MAP7: variants seen among roughly 807,000 people sequenced by gnomAD.
The protein encoded by MAP7 is ensconsin.
In MAP7, 52 loss-of-function variants were observed where a neutral mutation model predicts 94.8. The observed-to-expected ratio is 0.55, with a 90% CI of 0.44 to 0.69. The LOEUF (loss-of-function observed/expected upper bound fraction) is 0.69, where lower values mean the gene tolerates loss of function less well. MAP7 is among the 30% of genes least tolerant of loss of function. The pLI is 0.00. For missense variants in MAP7, 940 were observed against 964.6 expected, an observed-to-expected ratio of 0.97 and a Z score of 0.34; for synonymous variants, 350 against 357.0, an observed-to-expected ratio of 0.98 and a Z score of 0.22.
intron 2 of MAP7, among the ~76,000 whole-genome samples, chr6:136,416,532 G>A (rs1429056831): frequency 1.3e-5 from 2 of 152,096 alleles, no homozygotes; most frequent in East Asian, 1.9e-4. Context: ...TCAGCCAGGC[G>A]CGGTGACTCA....
At chr6:136,351,137 C>T (rs1218605520) in intron 16 of MAP7, among the ~76,000 whole-genome samples, 1 of 151,630 alleles carries the variant, frequency 6.6e-6, no homozygotes, top group Non-Finnish European at 1.5e-5. Context: ...CTGAGCTATC[C>T]TTAAAAGACA....
intron 1 of MAP7, among the ~76,000 whole-genome samples, chr6:136,463,956 TA>T (rs1302540918): frequency 6.6e-6 from 1 of 152,104 alleles, no homozygotes; most frequent in African/African-American, 2.4e-5. Context: ...AAACGCCTGG[TA>T]AAAGAGCTTG....
At chr6:136,418,030 A>G (rs1790073184) in intron 2 of MAP7, among the ~76,000 whole-genome samples, 1 of 152,234 alleles carries the variant, frequency 6.6e-6, no homozygotes, top group Non-Finnish European at 1.5e-5. Flanking sequence ...GGAGTTCTGA[A>G]GAACCATCTC....
At chr6:136,542,617 G>A (rs1334469637) in intron 1 of MAP7, among the ~76,000 whole-genome samples, 2 of 152,072 alleles carry the variant, frequency 1.3e-5, no homozygotes, top group Non-Finnish European at 2.9e-5. Context: ...CAGGGAATGT[G>A]CTATATAATG....
chr6:136,365,484 G>A (rs1255524333), intron 10 of MAP7, among the ~76,000 whole-genome samples: 1 of 152,062 alleles, frequency 6.6e-6, no homozygotes, highest in African/African-American at 2.4e-5. Context: ...CTACGCCAGG[G>A]GTCCTTAAAC....
intron 1 of MAP7, among the ~76,000 whole-genome samples, chr6:136,504,044 AAACTAT>A (rs1170386243): frequency 6.6e-6 from 1 of 152,244 alleles, no homozygotes; most frequent in Non-Finnish European, 1.5e-5. Context: ...GGCAGCACTT[AAACTAT>A]ATTTATCACT....
At chr6:136,477,391 C>A (rs773611154) in intron 1 of MAP7, among the ~76,000 whole-genome samples, 1 of 151,978 alleles carries the variant, frequency 6.6e-6, no homozygotes, top group Non-Finnish European at 1.5e-5. Context: ...ATTAAAGAGA[C>A]AAAATAGCAC....
At chr6:136,371,673 A>G (rs1391499337) in intron 8 of MAP7, among the ~76,000 whole-genome samples, 1 of 152,246 alleles carries the variant, frequency 6.6e-6, no homozygotes, top group Admixed American at 6.5e-5. Context: ...GTTATCCTGG[A>G]GAGAGGCAAT....
chr6:136,486,204 T>C (rs1300940809), intron 1 of MAP7, among the ~76,000 whole-genome samples: 1 of 151,876 alleles, frequency 6.6e-6, no homozygotes, highest in Non-Finnish European at 1.5e-5. Flanking sequence ...TAAATAAAAG[T>C]GATGTGGGGA....
intron 1 of MAP7, among the ~76,000 whole-genome samples, chr6:136,533,129 G>A (rs554697801): frequency 2.5e-4 from 38 of 152,214 alleles, no homozygotes; most frequent in Non-Finnish European, 4.0e-4. Context: ...AAAATTAGCC[G>A]GGCATGGTGG....
At chr6:136,525,313 C>T (rs1827529935) in intron 1 of MAP7, among the ~76,000 whole-genome samples, 1 of 152,350 alleles carries the variant, frequency 6.6e-6, no homozygotes, top group East Asian at 1.9e-4. Context: ...TCAATGTTTG[C>T]TGTGCTCCTC....
At position 136,396,618 on chromosome 6, in the gene MAP7, A is replaced by C. The variant is rs12528659; in HGVS notation, c.245-7101T>G. On this transcript the variant is annotated intron_variant, in intron 3 of 17. Coordinates refer to ENST00000354570, the MANE Select transcript of MAP7 (RefSeq NM_003980.6). ...CTCCATAGTGCCTTTCAGAACTTGA[A>C]CATATCCAAGGGTCTTAATAATTAT... 8.9e-3 allele frequency among the ~76,000 whole-genome samples: 1,354 copies of C among 152,222 alleles called. 59 individuals are homozygous for C. In the East Asian group the frequency reaches 0.13, roughly 15 times the overall value.
At chr6:136,359,692 C>G in intron 15 of MAP7, 128 bp downstream of exon 15, 1 of 845,338 alleles carries the variant, frequency 1.2e-6, no homozygotes, top group East Asian at 2.4e-5. Context: ...TGACAGACCC[C>G]TAAGCTTCTG....
At chr6:136,411,733 G>A in intron 2 of MAP7, 36 bp from the exon 3 acceptor site, 4 of 1,423,948 alleles carry the variant, frequency 2.8e-6, no homozygotes, top group Non-Finnish European at 3.8e-6. Flanking sequence ...GAGATGAAGA[G>A]TGGATTAAAA....
chr6:136,425,757 T>A (rs1195366433), intron 1 of MAP7, among the ~76,000 whole-genome samples: 1 of 152,138 alleles, frequency 6.6e-6, no homozygotes, highest in African/African-American at 2.4e-5. Flanking sequence ...TAATGGAGAA[T>A]TTCTCCTTAG....
chr6:136,450,808 A>G, intron 1 of MAP7, among the ~76,000 whole-genome samples: 1 of 152,066 alleles, frequency 6.6e-6, no homozygotes, highest in Admixed American at 6.6e-5. Flanking sequence ...AAGAAAGTGG[A>G]TACATTTCTG....
intron 3 of MAP7, among the ~76,000 whole-genome samples, chr6:136,410,605 T>C (rs1317436208): frequency 6.6e-6 from 1 of 152,024 alleles, no homozygotes; most frequent in Non-Finnish European, 1.5e-5. Context: ...CTAAAAAACC[T>C]CAGAAGCAAA....
intron 3 of MAP7, among the ~76,000 whole-genome samples, chr6:136,392,068 A>G (rs575521724): frequency 6.6e-6 from 1 of 152,252 alleles, no homozygotes; most frequent in Non-Finnish European, 1.5e-5. Flanking sequence ...ACCAAAGTAC[A>G]CTTACTGCTC....
intron 1 of MAP7, among the ~76,000 whole-genome samples, chr6:136,516,812 A>G (rs1824989624): frequency 6.6e-6 from 1 of 152,176 alleles, no homozygotes; most frequent in Non-Finnish European, 1.5e-5. Flanking sequence ...TAAGCCTGCA[A>G]AAATAAGCCT....
Sources: allele counts gnomAD v4.1 joint callset (sites outside exome capture counted in the v4.1 genomes callset), GRCh38; gene constraint gnomAD v4.1.1; transcripts MANE v1.5; gene names NCBI Gene and HGNC (gene_info 2026-07-23, HGNC 2026-07-21).